The following CLN3 variants were observed in gnomAD, a reference collection of about 807,000 sequenced individuals.
The protein encoded by CLN3 is CLN3 lysosomal/endosomal transmembrane protein, battenin.
In CLN3, 49 loss-of-function variants were observed where a neutral mutation model predicts 60.7. The observed-to-expected ratio is 0.81, with a 90% CI of 0.64 to 1.02. The LOEUF is 1.02. Ranked by LOEUF, CLN3 falls within the 50% of genes least tolerant of loss-of-function variation. The pLI is 0.00. For missense variants in CLN3, 516 were observed against 557.4 expected (o/e 0.93, Z 0.75); for synonymous variants, 256 against 245.8 (o/e 1.04, Z -0.39).
chr16:28,473,555 C>A (rs140595790), downstream of CLN3, among the ~76,000 whole-genome samples: 7 of 152,256 alleles, frequency 4.6e-5, no homozygotes, highest in East Asian at 1.4e-3. Flanking sequence ...ACCAGAAGCA[C>A]AAGCAACCAA....
At chr16:28,475,803 T>C (rs1209116040), downstream of CLN3, 1 of 151,874 alleles carries the variant, frequency 6.6e-6, no homozygotes, top group Middle Eastern at 3.2e-3. Context: ...ATTAAGTAAA[T>C]AAAAGTACTG....
the CLN3 span, among the ~76,000 whole-genome samples, chr16:28,468,675 C>A: frequency 6.9e-6 from 1 of 145,120 alleles, no homozygotes; most frequent in Non-Finnish European, 1.5e-5. Flanking sequence ...GGCATGGTGG[C>A]ACGTGCCTAC....
intron 5 of CLN3, 126 bp from the exon 6 acceptor site, chr16:28,487,867 C>A: frequency 1.3e-6 from 1 of 746,896 alleles, no homozygotes; most frequent in Non-Finnish European, 2.4e-6. Flanking sequence ...GAGTCAGGCA[C>A]GCCTGGGTTC....
downstream of CLN3, among the ~76,000 whole-genome samples, chr16:28,470,803 A>C (rs2045945319): frequency 1.4e-5 from 2 of 146,252 alleles, no homozygotes; most frequent in African/African-American, 4.9e-5. Flanking sequence ...CAGGTCACGG[A>C]GAAGATCAGG....
intron 5 of CLN3, chr16:28,488,175 G>T: frequency 5.3e-6 from 1 of 188,102 alleles, no homozygotes; most frequent in Non-Finnish European, 1.1e-5. Context: ...TGAGTAGCTG[G>T]GATTACAGGC....
At chr16:28,483,520 C>A (rs2046141338) in intron 10 of CLN3, among the ~76,000 whole-genome samples, 1 of 150,468 alleles carries the variant, frequency 6.6e-6, no homozygotes, top group Non-Finnish European at 1.5e-5. Flanking sequence ...CCACGCCCGG[C>A]CAATGTCTCT....
intron 9 of CLN3, among the ~76,000 whole-genome samples, chr16:28,485,790 C>G (rs1385116036): frequency 1.3e-5 from 2 of 151,372 alleles, no homozygotes; most frequent in Non-Finnish European, 2.9e-5. Context: ...ACCCTCATCA[C>G]CTCCAAGGAA....
intron 3 of CLN3, among the ~76,000 whole-genome samples, chr16:28,489,805 C>T (rs2046282138): frequency 6.6e-6 from 1 of 152,000 alleles, no homozygotes; most frequent in African/African-American, 2.4e-5. Flanking sequence ...ACCTGTAATT[C>T]CAGCACTTTG....
In CLN3 at chr16:28,477,766, C is replaced by T. The variant is rs777383109; in HGVS notation, c.1168G>A (p.Val390Met). ...AGGGCGATGTTGTGGAAGGTGTTCA[C>T]GTAGGCTGCGCCTCCCAGGAGCCCC... ...YEGLLGGAAY[V>M]NTFHNIALET... The change falls in exon 15 of 16, where the codon GTG becomes ATG. Residue 390 changes from valine (V) to methionine (M), a missense_variant. By Grantham distance (21) the Val-to-Met change is conservative. Coordinates refer to ENST00000636147, the MANE Select transcript of CLN3 (RefSeq NM_001042432.2). 15 of 1,614,218 alleles carry T rather than the reference C, an allele frequency of 9.3e-6. No homozygotes were observed. The Admixed American group carries it at 1.0e-4, about 11-fold the overall frequency.
At chr16:28,474,397 T>C (rs1292571284), downstream of CLN3, 3 of 152,048 alleles carry the variant, frequency 2.0e-5, no homozygotes, top group Admixed American at 1.3e-4. Context: ...GAGACTGAGA[T>C]TGCAGTGAGC....
intron 14 of CLN3, 58 bp downstream of exon 14, chr16:28,482,047 G>T: frequency 7.4e-7 from 1 of 1,351,774 alleles, no homozygotes; most frequent in Non-Finnish European, 1.0e-6. Context: ...GTTTGGGGAA[G>T]CTGGGAGCCA....
chr16:28,480,341 A>C (rs983261401), intron 14 of CLN3, among the ~76,000 whole-genome samples: 1 of 151,980 alleles, frequency 6.6e-6, no homozygotes, highest in African/African-American at 2.4e-5. Flanking sequence ...GGTGTGAGCC[A>C]CAACACCTAG....
chr16:28,481,460 A>ACACACG (rs1555468031), intron 14 of CLN3, among the ~76,000 whole-genome samples: 3,139 of 148,444 alleles, frequency 0.021, 43 homozygotes, highest in Non-Finnish European at 0.036. Flanking sequence ...ACACGCACAC[A>ACACACG]CACACACACA....
chr16:28,491,936 A>G (rs1297031534), intron 1 of CLN3, 84 bp downstream of exon 1: 2 of 819,112 alleles, frequency 2.4e-6, no homozygotes, highest in Non-Finnish European at 4.0e-6. Context: ...TGGGGGCTCC[A>G]TCTCGAGCGC....
chr16:28,471,437 CTT>C (rs1366909726), downstream of CLN3, among the ~76,000 whole-genome samples: 1 of 102,718 alleles, frequency 9.7e-6, no homozygotes, highest in Admixed American at 1.1e-4. Context: ...ATTAACCTGA[CTT>C]ATTTTGTTCC....
At position 28,486,594 on chromosome 16, in the gene CLN3, T is replaced by C; in HGVS notation, c.517A>G (p.Thr173Ala). 1.2e-6 allele frequency: 2 copies of C among 1,611,276 alleles called. No homozygotes were observed. Among genetic ancestry groups the C allele is most frequent in the East Asian group, 2.2e-5 (1 of 44,738 alleles). ...GLGEVTFLSL[T>A]AFYPRAVISW... ...CCTGCTTACCTGGGGTAGAAGGCAG[T>C]GAGGGAGAGGAAGGTGACCTCCCCA... The change falls in exon 8 of 16, where the codon ACT (threonine) becomes GCT (alanine). Residue 173 changes from threonine (T) to alanine (A), a missense_variant. By Grantham distance (58) the Thr-to-Ala change is moderately conservative. Coordinates refer to ENST00000636147, the MANE Select transcript of CLN3 (RefSeq NM_001042432.2).
rs1295237196 is a variant in CLN3 at position 28,477,442 on chromosome 16, G to C, written c.*74C>G. The C allele has an allele frequency of 1.3e-5, 21 of 1,595,530 alleles. No homozygotes were observed. Among genetic ancestry groups the C allele is most frequent in the African/African-American group, 4.0e-5 (3 of 74,564 alleles). On this transcript the variant is annotated 3_prime_UTR_variant, in exon 16 of 16. Transcript: ENST00000636147. ...GGAGCACAGTTCATGGAGGGTCTCT[G>C]GGGTGGGCCTGGGTGTCTGACCTGT...
Position 28,482,401 on chromosome 16 carries a change from A to C in CLN3, c.907-19T>G. 1 of 1,614,086 alleles carries C rather than the reference A, an allele frequency of 6.2e-7. No homozygotes were observed. Among genetic ancestry groups the C allele is most frequent in the East Asian group, 2.2e-5 (1 of 44,882 alleles). Reference sequence around the variant, plus strand: ...GTTCAAACTGCAACAAATACCAGACAGGGGAGATGGACGGGGCTGTGTGGG... The same window carrying C: ...GTTCAAACTGCAACAAATACCAGACCGGGGAGATGGACGGGGCTGTGTGGG... On this transcript the variant is annotated intron_variant, in intron 12 of 15. Coordinates refer to ENST00000636147, the MANE Select transcript of CLN3 (RefSeq NM_001042432.2).
intron 12 of CLN3, 31 bp from the exon 13 acceptor site, chr16:28,482,413 C>T (rs936441353): frequency 7.4e-6 from 12 of 1,613,640 alleles, no homozygotes; most frequent in South Asian, 3.3e-5. Flanking sequence ...GGGAGATGGA[C>T]GGGGCTGTGT....
Sources: allele counts gnomAD v4.1 joint callset (sites outside exome capture counted in the v4.1 genomes callset), GRCh38; gene constraint gnomAD v4.1.1; transcripts MANE v1.5; gene names NCBI Gene and HGNC (gene_info 2026-07-23, HGNC 2026-07-21).